Variants in MYO10 observed in about 807,000 individuals in gnomAD.
MYO10 encodes unconventional myosin-X.
A neutral mutation model predicts 257.3 loss-of-function variants in MYO10; 133 were observed. The observed-to-expected ratio is 0.52, with a 90% CI of 0.45 to 0.60. The LOEUF (loss-of-function observed/expected upper bound fraction) is 0.60, where lower values mean the gene tolerates loss of function less well. Ranked by LOEUF, MYO10 falls within the 20% of genes least tolerant of loss-of-function variation. The pLI, the probability that MYO10 is intolerant of heterozygous loss-of-function variation, is 0.00. For missense variants in MYO10, 2,399 were observed against 2,635.7 expected (o/e 0.91, Z 1.97); for synonymous variants, 1,104 against 1,028.6 (o/e 1.07, Z -1.40).
chr5:16,926,132 C>A (rs1384408148), intron 1 of MYO10, among the ~76,000 whole-genome samples: 1 of 152,106 alleles, frequency 6.6e-6, no homozygotes. Context: ...TCACATGTAC[C>A]TGGAAAACGT....
At chr5:16,836,682 T>C (rs1234643842) in intron 2 of MYO10, among the ~76,000 whole-genome samples, 1 of 152,212 alleles carries the variant, frequency 6.6e-6, no homozygotes, top group Non-Finnish European at 1.5e-5. Flanking sequence ...TTAAAATTGT[T>C]CTCTGCTCAC....
In MYO10 at chr5:16,701,490, T is replaced by A. The variant is rs1021292943; in HGVS notation, c.2905A>T (p.Ser969Cys). 1.4e-5 allele frequency: 22 copies of A among 1,613,982 alleles called. No individual in the cohort carries two copies. The highest frequency in any genetic ancestry group is 1.8e-5 in the Non-Finnish European group (21 of 1,179,886). ...TCGCATGCGCTCTCAGCCAGCTCGCTGGAAAATTCGCTTCCCACCGACAGG... is the reference window on the plus strand; with the variant it reads ...TCGCATGCGCTCTCAGCCAGCTCGCAGGAAAATTCGCTTCCCACCGACAGG... ...RSLSVGSEFS[S>C]ELAESACEEK... Residue 969 changes from serine to cysteine, a missense_variant, in exon 25 of 41, where the codon AGC becomes TGC. Transcript: ENST00000513610. This position sits in a 1 kb window ranked among gnomAD's most constrained non-coding sequence, Gnocchi z 8.1.
chr5:16,798,885 A>G (rs1468799045), intron 3 of MYO10, among the ~76,000 whole-genome samples: 1 of 152,096 alleles, frequency 6.6e-6, no homozygotes, highest in Non-Finnish European at 1.5e-5. Flanking sequence ...CCTCTTCCTC[A>G]GTTGCAAGCA....
At chr5:16,929,556 T>G (rs1746240396) in intron 1 of MYO10, among the ~76,000 whole-genome samples, 1 of 152,184 alleles carries the variant, frequency 6.6e-6, no homozygotes, top group South Asian at 2.1e-4. Context: ...AGTCAGTTAC[T>G]TAACCTCTCT....
intron 1 of MYO10, among the ~76,000 whole-genome samples, chr5:16,888,949 G>T (rs1471055451): frequency 6.6e-6 from 1 of 152,006 alleles, no homozygotes; most frequent in African/African-American, 2.4e-5. Context: ...GAGGTGGGAG[G>T]ATCGTTTGAG....
intron 36 of MYO10, among the ~76,000 whole-genome samples, 183 bp from the exon 37 acceptor site, chr5:16,673,008 G>A (rs575102408): frequency 6.6e-6 from 1 of 152,278 alleles, no homozygotes; most frequent in South Asian, 2.1e-4. Context: ...TTGTTCTCTT[G>A]AGATTAGGTT....
At chr5:16,767,109 G>A (rs1470935157) in intron 10 of MYO10, among the ~76,000 whole-genome samples, 2 of 151,002 alleles carry the variant, frequency 1.3e-5, no homozygotes, top group Non-Finnish European at 2.9e-5. Context: ...TATTCCAAAG[G>A]CTACACATGA....
Position 16,701,517 on chromosome 5 carries a change from A to G in MYO10, c.2878T>C (p.Ser960Pro). The G allele has an allele frequency of 6.2e-7, 1 of 1,613,764 alleles. No homozygotes were observed. Among genetic ancestry groups the G allele is most frequent in the Non-Finnish European group, 8.5e-7 (1 of 1,179,852 alleles). ...GAAAATTCGCTTCCCACCGACAGGG[A>G]CCGCTCGATATTCCGGACACACTCG... ...IDECVRNIER[S>P]LSVGSEFSSE... is the part of the protein sequence containing the mutation. Residue 960 changes from serine (S) to proline (P), a missense_variant, in exon 25 of 41, where the codon TCC becomes CCC. Around this residue, in one of 3 missense-constraint regions of MYO10, gnomAD observed 1,820 missense variants for 1,939.4 expected, o/e 0.94. Transcript: ENST00000513610. This position sits in a 1 kb window ranked among gnomAD's most constrained non-coding sequence, Gnocchi z 8.1.
intron 18 of MYO10, among the ~76,000 whole-genome samples, chr5:16,756,251 A>T (rs2126644479): frequency 6.6e-6 from 1 of 152,110 alleles, no homozygotes. Flanking sequence ...TTTTTTGTAG[A>T]GATGAGGCCT....
intron 1 of MYO10, among the ~76,000 whole-genome samples, chr5:16,881,603 C>A (rs919539305): frequency 2.0e-5 from 3 of 152,186 alleles, no homozygotes; most frequent in Non-Finnish European, 4.4e-5. Flanking sequence ...CAAAACACCC[C>A]CTTTGTTCTT....
chr5:16,758,273 A>C, intron 17 of MYO10, 47 bp from the exon 18 acceptor site: 1 of 1,275,740 alleles, frequency 7.8e-7, no homozygotes, highest in Non-Finnish European at 1.1e-6. Context: ...CACACCCATT[A>C]TTAGGTGCAA....
At chr5:16,726,030 C>G (rs141762919) in intron 19 of MYO10, among the ~76,000 whole-genome samples, 15 of 152,272 alleles carry the variant, frequency 9.9e-5, no homozygotes, top group Middle Eastern at 3.4e-3. Flanking sequence ...AGGTGATCCA[C>G]CCGCCTCAGC....
intron 4 of MYO10, among the ~76,000 whole-genome samples, chr5:16,793,861 GC>G (rs1441491022): frequency 6.6e-6 from 1 of 151,684 alleles, no homozygotes; most frequent in Non-Finnish European, 1.5e-5. Context: ...AACCCAGGAG[GC>G]GGAGGTTGCA....
In MYO10 at chr5:16,701,953, A is replaced by G; in HGVS notation, c.2557-115T>C. 4 of 1,253,080 alleles carry G rather than the reference A, an allele frequency of 3.2e-6. No individual in the cohort carries two copies. The highest frequency in any genetic ancestry group is 2.8e-5 in the Admixed American group (1 of 35,760). The allele number at this position is 1,253,080 out of a possible 1,614,324, so 77.6% of individuals were successfully genotyped here. On this transcript the variant is annotated intron_variant, in intron 24 of 40. Coordinates refer to ENST00000513610, the MANE Select transcript of MYO10 (RefSeq NM_012334.3). The surrounding 1 kb of genome is among the most constrained non-coding windows in gnomAD (Gnocchi z 8.1). The stretch of plus-strand genomic sequence containing the variant: ...ATTATGAGTTGGACTGTGTCCCCAT[A>G]AAGTCTATAGGTTGAAGTCCTAACC...
chr5:16,865,931 CATT>C, intron 2 of MYO10, among the ~76,000 whole-genome samples: 1 of 151,406 alleles, frequency 6.6e-6, no homozygotes, highest in East Asian at 1.9e-4. Context: ...GATAACACGA[CATT>C]ATAAATGTGA....
rs566862507 is a variant in MYO10, at chr5:16,842,927, A to G, written c.121-24760T>C. Among the ~76,000 whole-genome samples the G allele has an allele frequency of 1.1e-4, 11 of 101,374 alleles. No homozygotes were observed. In the East Asian group the frequency reaches 2.8e-3, roughly 26 times the overall value. 66.5% of individuals were successfully genotyped at this position (101,374 alleles called of 152,430 possible). A position where few individuals can be genotyped will look rare whatever the true frequency, so the allele number is the denominator to read the frequency against. The stretch of plus-strand genomic sequence containing the variant: ...AAAAGAGAGAGAAAAAAGAAAAAGG[A>G]AAAAAAAAAAAAAAGGAACTTTGAA... On this transcript the variant is annotated intron_variant, in intron 2 of 40. Coordinates refer to ENST00000513610, the MANE Select transcript of MYO10 (RefSeq NM_012334.3).
intron 15 of MYO10, 30 bp from the exon 16 acceptor site, chr5:16,762,143 A>AAAAAAAAAAAAAT (rs370443366): frequency 2.0e-5 from 22 of 1,092,390 alleles, no homozygotes; most frequent in East Asian, 2.7e-5. Context: ...AAAAAAAAAA[A>AAAAAAAAAAAAAT]ATACAATGCC....
intron 35 of MYO10, 83 bp downstream of exon 35, chr5:16,674,770 G>C (rs1736643186): frequency 3.4e-6 from 5 of 1,490,574 alleles, no homozygotes; most frequent in East Asian, 4.5e-5. Context: ...CTGTTCAAAA[G>C]CCTCTTTATC....
chr5:16,802,192 G>C (rs537581143), intron 3 of MYO10, among the ~76,000 whole-genome samples: 2 of 152,294 alleles, frequency 1.3e-5, no homozygotes, highest in South Asian at 4.2e-4. Context: ...GGGAAATGGG[G>C]AGCTGTTGTT....
Sources: allele counts gnomAD v4.1 joint callset (sites outside exome capture counted in the v4.1 genomes callset), GRCh38; gene constraint gnomAD v4.1.1; regional missense constraint gnomAD v4.1.1; non-coding constraint Gnocchi (gnomAD v3.1); transcripts MANE v1.5; gene names NCBI Gene and HGNC (gene_info 2026-07-23, HGNC 2026-07-21).